VPS13B: variants seen among roughly 807,000 people sequenced by gnomAD.
VPS13B encodes the protein intermembrane lipid transfer protein VPS13B.
Under a neutral mutation model 426.4 loss-of-function variants are expected in VPS13B, and 285 were observed. That is an observed-to-expected ratio of 0.67 (90% CI 0.61 to 0.74). The LOEUF (loss-of-function observed/expected upper bound fraction) is 0.74. Ranked by LOEUF, VPS13B falls within the 30% of genes least tolerant of loss-of-function variation. VPS13B has a pLI of 0.00. For missense variants in VPS13B, 4,537 were observed against 4,782.6 expected (o/e 0.95, Z 1.51); for synonymous variants, 1,676 against 1,676.4 (o/e 1.00, Z 0.01).
chr8:99,318,701 T>C (rs1325408366), intron 19 of VPS13B, among the ~76,000 whole-genome samples: 1 of 152,066 alleles, frequency 6.6e-6, no homozygotes, highest in Non-Finnish European at 1.5e-5. Context: ...TTTTGTATTT[T>C]TATTAGAGAC....
At chr8:99,349,129 C>G (rs979162267) in intron 19 of VPS13B, among the ~76,000 whole-genome samples, 4 of 150,438 alleles carry the variant, frequency 2.7e-5, no homozygotes, top group Non-Finnish European at 5.9e-5. Context: ...GTCAGGAGAT[C>G]GAGACCATCC....
chr8:99,060,881 G>A (rs1288061359), intron 3 of VPS13B, among the ~76,000 whole-genome samples: 2 of 152,028 alleles, frequency 1.3e-5, no homozygotes, highest in Admixed American at 1.3e-4. Flanking sequence ...ACTATTTTAA[G>A]TAAGAAGAAA....
At chr8:99,705,608 G>A (rs1057167573) in intron 36 of VPS13B, among the ~76,000 whole-genome samples, 1 of 152,046 alleles carries the variant, frequency 6.6e-6, no homozygotes. Context: ...TGTTTACATA[G>A]TCATGTATTG....
At chr8:99,638,064 G>A (rs1354371071) in intron 33 of VPS13B, among the ~76,000 whole-genome samples, 1 of 151,926 alleles carries the variant, frequency 6.6e-6, no homozygotes, top group African/African-American at 2.4e-5. Flanking sequence ...ATATTTGGAG[G>A]TTTATTTGAA....
intron 17 of VPS13B, among the ~76,000 whole-genome samples, chr8:99,200,735 A>T (rs1279858944): frequency 1.3e-5 from 2 of 152,038 alleles, no homozygotes; most frequent in African/African-American, 4.8e-5. Flanking sequence ...TTATTTTAAG[A>T]TCTGCCTCTT....
At chr8:99,495,122 G>A (rs1820817360) in intron 25 of VPS13B, among the ~76,000 whole-genome samples, 1 of 151,978 alleles carries the variant, frequency 6.6e-6, no homozygotes, top group South Asian at 2.1e-4. Flanking sequence ...TTTATTAAAG[G>A]ATAACCCCAA....
At chr8:99,760,323 C>G (rs1457354080) in intron 39 of VPS13B, among the ~76,000 whole-genome samples, 2 of 152,158 alleles carry the variant, frequency 1.3e-5, no homozygotes, top group Non-Finnish European at 2.9e-5. Context: ...TATCCAAAAT[C>G]TTTGAAAAAT....
At chr8:99,328,243 C>T (rs975330295) in intron 19 of VPS13B, among the ~76,000 whole-genome samples, 5 of 152,172 alleles carry the variant, frequency 3.3e-5, no homozygotes, top group Admixed American at 2.0e-4. Flanking sequence ...CTGAAACAAT[C>T]GCCATCCCTG....
At position 99,077,190 on chromosome 8, in the gene VPS13B, T is replaced by A. The variant is rs1009347996; in HGVS notation, c.292-19122T>A. The stretch of plus-strand genomic sequence containing the variant: ...GTTACTGTTCTTTCATTTTTTTTTT[T>A]AAAAGGAGTTTCACGCTGGTTGCCC... On this transcript the variant is annotated intron_variant, in intron 3 of 61. Coordinates refer to ENST00000357162, the MANE Select transcript of VPS13B (RefSeq NM_152564.5). 3.3e-5 allele frequency among the ~76,000 whole-genome samples: 5 copies of A among 151,942 alleles called. No individual in the cohort carries two copies. The South Asian group carries it at 1.0e-3, about 32-fold the overall frequency.
intron 15 of VPS13B, among the ~76,000 whole-genome samples, chr8:99,165,579 T>C (rs373464991): frequency 6.6e-6 from 1 of 152,298 alleles, no homozygotes; most frequent in African/African-American, 2.4e-5. Context: ...GGAGTTAGAG[T>C]AGGATGGAAA....
chr8:99,608,859 G>T, intron 33 of VPS13B, among the ~76,000 whole-genome samples: 1 of 151,912 alleles, frequency 6.6e-6, no homozygotes, highest in Non-Finnish European at 1.5e-5. Context: ...ATATTTTATT[G>T]TATAGATATA....
At chr8:99,744,437 A>G (rs1809955277) in intron 39 of VPS13B, among the ~76,000 whole-genome samples, 1 of 152,232 alleles carries the variant, frequency 6.6e-6, no homozygotes, top group South Asian at 2.1e-4. Flanking sequence ...CTAGAACTAG[A>G]AATACCATTT....
chr8:99,034,513 G>A (rs1033262074), intron 2 of VPS13B, among the ~76,000 whole-genome samples: 2 of 151,780 alleles, frequency 1.3e-5, no homozygotes, highest in Non-Finnish European at 2.9e-5. Flanking sequence ...GTTGCTTAGG[G>A]GATTATATCT....
chr8:99,787,832 T>G (rs1291196341), intron 43 of VPS13B, among the ~76,000 whole-genome samples: 2 of 152,088 alleles, frequency 1.3e-5, no homozygotes, highest in African/African-American at 4.8e-5. Context: ...AGTATTGCCT[T>G]TATCTTGTAT....
At chr8:99,722,175 A>G (rs1316604824) in intron 39 of VPS13B, among the ~76,000 whole-genome samples, 2 of 152,168 alleles carry the variant, frequency 1.3e-5, no homozygotes, top group Non-Finnish European at 2.9e-5. Context: ...CACCTGTCAC[A>G]TTACCAACCT....
intron 2 of VPS13B, among the ~76,000 whole-genome samples, chr8:99,019,340 G>A (rs543903691): frequency 6.6e-6 from 1 of 151,628 alleles, no homozygotes; most frequent in East Asian, 1.9e-4. Flanking sequence ...TCAAGCAGCT[G>A]GCATTACAGG....
At chr8:99,781,773 G>C (rs1812033211) in intron 42 of VPS13B, among the ~76,000 whole-genome samples, 1 of 152,002 alleles carries the variant, frequency 6.6e-6, no homozygotes. Flanking sequence ...CTTAACCTCT[G>C]TGTTACCAGC....
chr8:99,148,121 T>A, intron 14 of VPS13B, 111 bp downstream of exon 14: 2 of 1,197,740 alleles, frequency 1.7e-6, no homozygotes, highest in Non-Finnish European at 2.4e-6. Flanking sequence ...CTTGAGTGTG[T>A]AATCCTGGCA....
intron 24 of VPS13B, among the ~76,000 whole-genome samples, chr8:99,471,917 A>G (rs944066824): frequency 5.3e-5 from 8 of 152,176 alleles, no homozygotes; most frequent in African/African-American, 1.9e-4. Flanking sequence ...TACAGTGGGA[A>G]GTAAAACAAG....
Sources: gnomAD v4.1 joint callset for allele counts (sites outside exome capture counted in the v4.1 genomes callset) on GRCh38, gnomAD v4.1.1 for gene constraint, MANE v1.5 for transcripts, NCBI Gene and HGNC (gene_info 2026-07-23, HGNC 2026-07-21) for gene names.